GPR143: variants seen among roughly 807,000 people sequenced by gnomAD.
The protein encoded by GPR143 is G-protein coupled receptor 143.
In GPR143, 8 loss-of-function variants were observed where a neutral mutation model predicts 27.6. The observed-to-expected ratio is 0.29, with a 90% CI of 0.17 to 0.52. The LOEUF (loss-of-function observed/expected upper bound fraction) is 0.52. Ranked by LOEUF, GPR143 falls within the 20% of genes least tolerant of loss-of-function variation. The pLI is 0.96. For missense variants in GPR143, 303 were observed against 343.1 expected (o/e 0.88, Z 0.92); for synonymous variants, 156 against 153.2 (o/e 1.02, Z -0.13).
intron 3 of GPR143, among the ~76,000 whole-genome samples, chrX:9,753,506 T>C (rs1427031231): frequency 9.1e-6 from 1 of 110,328 alleles, no homozygotes; most frequent in Non-Finnish European, 1.9e-5. Context: ...TATGGAGATG[T>C]CAGAAAGGGA....
chrX:9,766,515 C>G (rs943181684), upstream of GPR143, among the ~76,000 whole-genome samples: 1 of 112,008 alleles, frequency 8.9e-6, no homozygotes, highest in Non-Finnish European at 1.9e-5. Flanking sequence ...CGCTTGAGCT[C>G]AAGAGTTGGA....
chrX:9,776,911 T>C (rs2083572690), intron 1 of GPR143, among the ~76,000 whole-genome samples: 1 of 111,424 alleles, frequency 9.0e-6, no homozygotes, highest in South Asian at 3.8e-4. Context: ...TTCACCATGT[T>C]GCCCAGACTG....
upstream of GPR143, among the ~76,000 whole-genome samples, chrX:9,768,155 G>C (rs954576046): frequency 8.9e-6 from 1 of 111,823 alleles, no homozygotes; most frequent in African/African-American, 3.3e-5. Context: ...GTAAAGATGA[G>C]CCTCAGAGTA....
At chrX:9,731,830 A>C (rs2083355572) in intron 8 of GPR143, among the ~76,000 whole-genome samples, 1 of 107,809 alleles carries the variant, frequency 9.3e-6, no homozygotes, top group African/African-American at 3.3e-5. Context: ...GGAAGGCAAG[A>C]TACTGTGGAA....
Position 9,759,213 on chromosome X carries a change from G to A in GPR143, c.455+119C>T, listed in dbSNP as rs2146699441. ...ATGTTTCTAGGCGGAGGGGCCAGCT[G>A]ACAGATTCTGAATGACGGTGTCTGC... On this transcript the variant is annotated intron_variant, in intron 3 of 8. Coordinates refer to ENST00000467482, the MANE Select transcript of GPR143 (RefSeq NM_000273.3). 4 of 528,390 alleles carry A rather than the reference G, an allele frequency of 7.6e-6. No individual in the cohort carries two copies. In the East Asian group the frequency reaches 1.5e-4, roughly 20 times the overall value. 43.5% of individuals were successfully genotyped at this position (528,390 alleles called of 1,213,427 possible).
chrX:9,761,722 A>G (rs1043298433), intron 1 of GPR143, among the ~76,000 whole-genome samples: 3 of 112,555 alleles, frequency 2.7e-5, no homozygotes, highest in Admixed American at 9.5e-5. Flanking sequence ...TTAGACCCAA[A>G]TGTCTAATAT....
chrX:9,759,488 C>G, intron 2 of GPR143, 62 bp from the exon 3 acceptor site: 1 of 773,296 alleles, frequency 1.3e-6, no homozygotes, highest in Admixed American at 2.6e-5. Flanking sequence ...CCCAGCCCAT[C>G]CTTGAGACGG....
At chrX:9,766,903 TCACACACA>T (rs58553907), upstream of GPR143, among the ~76,000 whole-genome samples, 20,758 of 86,637 alleles carry the variant, frequency 0.24, 2,003 homozygotes, top group East Asian at 0.35. Flanking sequence ...TCTCTCTCTC[TCACACACA>T]CACACACACA....
chrX:9,755,138 C>A (rs766457327), intron 3 of GPR143, among the ~76,000 whole-genome samples: 1 of 112,319 alleles, frequency 8.9e-6, no homozygotes, highest in South Asian at 3.7e-4. Context: ...TAAGTTCTGG[C>A]CAGGCATGGT....
chrX:9,746,435 G>A (rs896951495), intron 4 of GPR143, among the ~76,000 whole-genome samples: 1 of 110,353 alleles, frequency 9.1e-6, no homozygotes, highest in African/African-American at 3.3e-5. Flanking sequence ...GGAAAAGATC[G>A]GAAAGAAAAA....
intron 8 of GPR143, among the ~76,000 whole-genome samples, chrX:9,732,726 GGT>G (rs1037078366): frequency 9.1e-6 from 1 of 109,623 alleles, no homozygotes; most frequent in African/African-American, 3.3e-5. Flanking sequence ...AGCCAGGCAT[GGT>G]GGTGTGCACC....
chrX:9,765,958 G>T, upstream of GPR143: 1 of 580,905 alleles, frequency 1.7e-6, no homozygotes, highest in Non-Finnish European at 2.4e-6. Context: ...GTAGAGCCAG[G>T]CTCGGTGGGG....
chrX:9,743,141 A>G (rs962139773), intron 6 of GPR143, among the ~76,000 whole-genome samples: 2 of 103,042 alleles, frequency 1.9e-5, no homozygotes, highest in Admixed American at 1.1e-4. Flanking sequence ...AGCCCTAAAG[A>G]TCAAGGTTGC....
chrX:9,748,684 C>G lies in GPR143; in HGVS notation c.456-18G>C. On this transcript the variant is annotated intron_variant, in intron 3 of 8. Coordinates refer to ENST00000467482, the MANE Select transcript of GPR143 (RefSeq NM_000273.3). Reference sequence around the variant, plus strand: ...GGATGGTGCTAGGGGACAAGCACAACAGCAGCCACAGCTCAGTGGGGCACA... The same window carrying G: ...GGATGGTGCTAGGGGACAAGCACAAGAGCAGCCACAGCTCAGTGGGGCACA... 1 of 1,086,900 alleles carries G rather than the reference C, an allele frequency of 9.2e-7. No homozygotes were observed. Among genetic ancestry groups the G allele is most frequent in the African/African-American group, 1.8e-5 (1 of 55,657 alleles). 89.6% of individuals were successfully genotyped at this position (1,086,900 alleles called of 1,213,427 possible). A position where few individuals can be genotyped will look rare whatever the true frequency, so the allele number is the denominator to read the frequency against.
chrX:9,763,228 C>T (rs1019594570), intron 1 of GPR143, among the ~76,000 whole-genome samples: 2 of 110,907 alleles, frequency 1.8e-5, no homozygotes, highest in African/African-American at 3.3e-5. Context: ...CGTGAGCCAC[C>T]GCACCTTTAG....
At chrX:9,731,368 C>CAAA (rs35048847) in intron 8 of GPR143, among the ~76,000 whole-genome samples, 17 of 95,113 alleles carry the variant, frequency 1.8e-4, no homozygotes, top group African/African-American at 6.3e-4. Flanking sequence ...GACTCTGTCT[C>CAAA]AAAAAAAAAA....
upstream of GPR143, among the ~76,000 whole-genome samples, chrX:9,768,803 G>A (rs2083543860): frequency 9.0e-6 from 1 of 110,517 alleles, no homozygotes; most frequent in Admixed American, 9.7e-5. Flanking sequence ...TCAGCCTCCT[G>A]AGCAGCTGGG....
Position 9,725,726 on chromosome X carries a change from G to A in GPR143, c.*20C>T. On this transcript the variant is annotated 3_prime_UTR_variant, in exon 9 of 9. Coordinates refer to ENST00000467482, the MANE Select transcript of GPR143 (RefSeq NM_000273.3). The stretch of plus-strand genomic sequence containing the variant: ...GTTGAGTCTGAGGAATATGGGGTCT[G>A]GACCCCCAGCACATCCCCTTCATAG... 1 of 1,113,270 alleles carries A rather than the reference G, an allele frequency of 9.0e-7. No individual in the cohort carries two copies. Among genetic ancestry groups the A allele is most frequent in the Non-Finnish European group, 1.2e-6 (1 of 806,720 alleles). The allele number at this position is 1,113,270 out of a possible 1,213,427, so 91.7% of individuals were successfully genotyped here. A position where few individuals can be genotyped will look rare whatever the true frequency, so the allele number is the denominator to read the frequency against.
intron 3 of GPR143, among the ~76,000 whole-genome samples, chrX:9,756,380 T>C (rs886174303): frequency 1.8e-5 from 2 of 112,012 alleles, no homozygotes; most frequent in Non-Finnish European, 3.8e-5. Context: ...AGGAAAGAAA[T>C]AGAAAAATTG....
Sources: gnomAD v4.1 joint callset for allele counts (sites outside exome capture counted in the v4.1 genomes callset) on GRCh38, gnomAD v4.1.1 for gene constraint, MANE v1.5 for transcripts, NCBI Gene and HGNC (gene_info 2026-07-23, HGNC 2026-07-21) for gene names.